ZNF462: variants seen among roughly 807,000 people sequenced by gnomAD.
ZNF462 encodes the protein zinc finger protein 462, also known as zinc finger PBX1-interacting protein.
In ZNF462, 10 loss-of-function variants were observed where a neutral mutation model predicts 201.9. The ratio of observed to expected loss-of-function variants is 0.05; its 90% CI spans 0.03 to 0.08. The LOEUF (loss-of-function observed/expected upper bound fraction) is 0.08, where lower values mean the gene tolerates loss of function less well. ZNF462 is among the 10% of genes least tolerant of loss of function. The probability of loss-of-function intolerance (pLI) is 1.00; values close to 1 mark genes in which losing one functional copy is unlikely to be tolerated. For missense variants in ZNF462, 2,523 were observed against 3,168.3 expected, an observed-to-expected ratio of 0.80 and a Z score of 4.89; for synonymous variants, 1,227 against 1,193.3, an observed-to-expected ratio of 1.03 and a Z score of -0.58.
intron 7 of ZNF462, among the ~76,000 whole-genome samples, chr9:106,949,500 A>G (rs1831249020): frequency 1.3e-5 from 2 of 152,118 alleles, no homozygotes. Context: ...TCCTTGAGTT[A>G]ACTAACTTCT....
chr9:106,927,124 C>A lies in ZNF462; in HGVS notation c.3212C>A (p.Ser1071Tyr), dbSNP rs1736602028. ...FRIQKTMRMV[S>Y]VDRGSALSQL... ...ATCCAGAAAACTATGCGAATGGTGT[C>A]TGTGGACAGGGGCTCTGCCCTTTCT... Residue 1071 changes from serine (S) to tyrosine (Y), a missense_variant, in exon 3 of 13, where the codon TCT (serine) becomes TAT (tyrosine). Physicochemically the swap from Ser to Tyr is moderately radical, Grantham distance 144. Around this residue, in one of 15 missense-constraint regions of ZNF462, gnomAD observed 280 missense variants for 321.3 expected, o/e 0.87. Transcript: ENST00000277225. 1.9e-6 allele frequency: 3 copies of A among 1,614,222 alleles called. No homozygotes were observed. The highest frequency in any genetic ancestry group is 1.7e-6 in the Non-Finnish European group (2 of 1,180,046).
chr9:106,914,401 TATG>T (rs1224538996), intron 1 of ZNF462, among the ~76,000 whole-genome samples: 1 of 152,168 alleles, frequency 6.6e-6, no homozygotes, highest in African/African-American at 2.4e-5. Context: ...AGATGCTGGG[TATG>T]ATAACTAAAA....
At position 106,927,793 on chromosome 9, in the gene ZNF462, C is replaced by T; in HGVS notation, c.3881C>T (p.Thr1294Ile). Residue 1294 changes from threonine to isoleucine, a missense_variant, in exon 3 of 13, where the codon ACA becomes ATA. Transcript: ENST00000277225. ...AAAGACCACCCCGCCCTGAAAGCCA[C>T]AGTCACGTCCATCATGCGATGGGCA... is the stretch of plus-strand genomic sequence containing the variant. ...IKKDHPALKA[T>I]VTSIMRWAFL... 6.2e-7 allele frequency: 1 copy of T among 1,614,182 alleles called. No homozygotes were observed. Among genetic ancestry groups the T allele is most frequent in the Non-Finnish European group, 8.5e-7 (1 of 1,180,040 alleles).
At chr9:106,922,603 G>A (rs1830032110) in intron 1 of ZNF462, among the ~76,000 whole-genome samples, 1 of 152,152 alleles carries the variant, frequency 6.6e-6, no homozygotes, top group African/African-American at 2.4e-5. Flanking sequence ...AACAGAAACT[G>A]GATTGTCATC....
Position 106,923,715 on chromosome 9 carries a change from T to C in ZNF462, c.220+112T>C. On this transcript the variant is annotated intron_variant, in intron 2 of 12. Transcript: ENST00000277225. This position sits in a 1 kb window ranked among gnomAD's most constrained non-coding sequence, Gnocchi z 5.6. ...TGGCTTTTGCAGAGTTTCTTGTGCT[T>C]TGCTAGCCATTTTTGTGGTTTGGGC... is the stretch of plus-strand genomic sequence containing the variant. The C allele has an allele frequency of 3.7e-6, 4 of 1,075,886 alleles. No individual in the cohort carries two copies. Among genetic ancestry groups the C allele is most frequent in the Non-Finnish European group, 5.4e-6 (4 of 746,238 alleles). 66.6% of individuals were successfully genotyped at this position (1,075,886 alleles called of 1,614,324 possible).
In ZNF462 at chr9:106,905,652, G is replaced by A. The variant is rs1234861175; in HGVS notation, c.-30-17702G>A. 6.6e-6 allele frequency among the ~76,000 whole-genome samples: 1 copy of A among 152,106 alleles called. No homozygotes were observed. Among genetic ancestry groups the A allele is most frequent in the Non-Finnish European group, 1.5e-5 (1 of 68,026 alleles). The stretch of plus-strand genomic sequence containing the variant: ...CAGGTCACTGGAGTTGTGTACCTAG[G>A]AGGATTATGGCTGCCTCTGCTGAGT... On this transcript the variant is annotated intron_variant, in intron 1 of 12. Coordinates refer to ENST00000277225, the MANE Select transcript of ZNF462 (RefSeq NM_021224.6). The surrounding 1 kb of genome is among the most constrained non-coding windows in gnomAD (Gnocchi z 5.9).
At chr9:106,969,973 A>T (rs1177256362) in intron 7 of ZNF462, among the ~76,000 whole-genome samples, 5 of 152,224 alleles carry the variant, frequency 3.3e-5, no homozygotes, top group African/African-American at 4.8e-5. Flanking sequence ...TTCATTGTGC[A>T]TGTGTTTCAA....
chr9:106,916,569 TG>T (rs377243331), intron 1 of ZNF462, among the ~76,000 whole-genome samples: 27 of 152,014 alleles, frequency 1.8e-4, no homozygotes, highest in African/African-American at 4.3e-4. Flanking sequence ...GGTTTAGCTC[TG>T]GGGGGGGAGA....
rs910103620 is a variant in ZNF462 at position 106,895,330 on chromosome 9, C to T, written c.-30-28024C>T. ...GACAGAGTGCACCAAGCATTAGCTT[C>T]TGCCCGTGCTCCCTTCTAAATATCA... On this transcript the variant is annotated intron_variant, in intron 1 of 12. Coordinates refer to ENST00000277225, the MANE Select transcript of ZNF462 (RefSeq NM_021224.6). This position sits in a 1 kb window ranked among gnomAD's most constrained non-coding sequence, Gnocchi z 4.4. Among the ~76,000 whole-genome samples the T allele has an allele frequency of 6.6e-6, 1 of 152,184 alleles. No individual in the cohort carries two copies. Among genetic ancestry groups the T allele is most frequent in the Non-Finnish European group, 1.5e-5 (1 of 68,038 alleles).
intron 1 of ZNF462, among the ~76,000 whole-genome samples, chr9:106,864,021 C>T (rs1176566326): frequency 6.8e-6 from 1 of 147,220 alleles, no homozygotes; most frequent in Non-Finnish European, 1.5e-5. Flanking sequence ...GGCAGCCCCC[C>T]TCTTCCTCAG....
Position 106,913,147 on chromosome 9 carries a change from G to C in ZNF462, c.-30-10207G>C, listed in dbSNP as rs139099703. 6.6e-6 allele frequency among the ~76,000 whole-genome samples: 1 copy of C among 152,294 alleles called. No individual in the cohort carries two copies. The highest frequency in any genetic ancestry group is 2.4e-5 in the African/African-American group (1 of 41,570). On this transcript the variant is annotated intron_variant, in intron 1 of 12. Transcript: ENST00000277225. The surrounding 1 kb of genome is among the most constrained non-coding windows in gnomAD (Gnocchi z 4.1). ...ATGGATGATGAGGAAAAGGAGGATG[G>C]TCATTTACTTAAAACTCATGGACAA...
rs779996503 is a variant in ZNF462, at chr9:106,928,171, C to T, written c.4259C>T (p.Ser1420Phe). The change falls in exon 3 of 13, where the codon TCC (serine) becomes TTC (phenylalanine). Residue 1420 changes from serine (S) to phenylalanine (F), a missense_variant. Physicochemically the swap from Ser to Phe is radical, Grantham distance 155. Around this residue, in one of 15 missense-constraint regions of ZNF462, gnomAD observed 165 missense variants for 142.6 expected, o/e 1.16. Transcript: ENST00000277225. This position sits in a 1 kb window ranked among gnomAD's most constrained non-coding sequence, Gnocchi z 9.3. ...KDAVEKPILS[S>F]EELAGPVNCE... ...GCTGTGGAGAAGCCCATTCTTTCAT[C>T]CGAAGAGTTGGCAGGCCCTGTGAAT... is the stretch of plus-strand genomic sequence containing the variant. 6.2e-7 allele frequency: 1 copy of T among 1,614,168 alleles called. No individual in the cohort carries two copies. The highest frequency in any genetic ancestry group is 1.1e-5 in the South Asian group (1 of 91,080).
chr9:106,914,790 TG>T (rs1829699183), intron 1 of ZNF462, among the ~76,000 whole-genome samples: 1 of 152,058 alleles, frequency 6.6e-6, no homozygotes, highest in African/African-American at 2.4e-5. Flanking sequence ...AAACTGTGTG[TG>T]GGTTGGTGGT....
intron 1 of ZNF462, among the ~76,000 whole-genome samples, chr9:106,893,591 A>C (rs559422920): frequency 6.6e-6 from 1 of 152,320 alleles, no homozygotes; most frequent in East Asian, 1.9e-4. Context: ...GATATCTCCT[A>C]ACTCATCCCC....
chr9:106,949,956 T>C lies in ZNF462; in HGVS notation c.6427+10849T>C, dbSNP rs145631732. On this transcript the variant is annotated intron_variant, in intron 7 of 12. Coordinates refer to ENST00000277225, the MANE Select transcript of ZNF462 (RefSeq NM_021224.6). Reference sequence around the variant, plus strand: ...TCCAGCACCTCAAATTTGCCTTTACTCTGACCACTGTGGGTGGATCTCCTT... The same window carrying C: ...TCCAGCACCTCAAATTTGCCTTTACCCTGACCACTGTGGGTGGATCTCCTT... Among the ~76,000 whole-genome samples the C allele has an allele frequency of 1.5e-3, 223 of 152,294 alleles. 7 individuals carry two copies. In the East Asian group the frequency reaches 0.038, roughly 26 times the overall value.
Position 106,929,456 on chromosome 9 carries a change from C to T in ZNF462, c.5544C>T (p.Cys1848=), listed in dbSNP as rs1407468879. ...AQEIEWLPFR[C]IKCFKLSFST... ...AAATCGAGTGGCTCCCATTCCGCTG[C>T]ATCAAATGCTTCAAGCTGTCCTTTA... The change falls in exon 3 of 13, where the codon TGC becomes TGT. Residue 1848 remains cysteine, a synonymous_variant. Transcript: ENST00000277225. The surrounding 1 kb of genome is among the most constrained non-coding windows in gnomAD (Gnocchi z 8.7). 4 of 1,614,010 alleles carry T rather than the reference C, an allele frequency of 2.5e-6. No individual in the cohort carries two copies. Among genetic ancestry groups the T allele is most frequent in the Admixed American group, 1.7e-5 (1 of 60,008 alleles).
At chr9:106,898,413 C>G (rs560510100) in intron 1 of ZNF462, among the ~76,000 whole-genome samples, 84 of 152,216 alleles carry the variant, frequency 5.5e-4, no homozygotes, top group African/African-American at 1.9e-3. Flanking sequence ...TGTGCTAACC[C>G]TTCTGGAGGT....
At chr9:106,891,115 T>A (rs1046352505) in intron 1 of ZNF462, among the ~76,000 whole-genome samples, 3 of 152,170 alleles carry the variant, frequency 2.0e-5, no homozygotes, top group African/African-American at 7.2e-5. Context: ...GATTGTTTGG[T>A]ATATTTACAG....
In ZNF462 at chr9:106,957,093, G is replaced by A. The variant is rs1035291169; in HGVS notation, c.6428-14912G>A. Among the ~76,000 whole-genome samples, 7 of 152,164 alleles carry A rather than the reference G, an allele frequency of 4.6e-5. No homozygotes were observed. The East Asian group carries it at 9.7e-4, about 21-fold the overall frequency. On this transcript the variant is annotated intron_variant, in intron 7 of 12. Transcript: ENST00000277225. ...TGGCACAAGAGGCCTGGTTTTCATC[G>A]TGTCTCAGCTTTCAGCATGCCTTCC...
Sources: allele counts gnomAD v4.1 joint callset (sites outside exome capture counted in the v4.1 genomes callset), GRCh38; gene constraint gnomAD v4.1.1; regional missense constraint gnomAD v4.1.1; non-coding constraint Gnocchi (gnomAD v3.1); transcripts MANE v1.5; gene names NCBI Gene and HGNC (gene_info 2026-07-23, HGNC 2026-07-21).